SLC7A1: variants seen among roughly 807,000 people sequenced by gnomAD.
SLC7A1 encodes solute carrier family 7 member 1.
SLC7A1 carries 10 observed loss-of-function variants against 53.9 expected under a neutral mutation model. The observed-to-expected ratio is 0.19, with a 90% CI of 0.11 to 0.31. The LOEUF (loss-of-function observed/expected upper bound fraction) is 0.31, where lower values mean the gene tolerates loss of function less well. Ranked by LOEUF, SLC7A1 falls within the 10% of genes least tolerant of loss-of-function variation. The pLI is 1.00. For synonymous variants in SLC7A1, 342 were observed against 338.7 expected, an observed-to-expected ratio of 1.01 and a Z score of -0.11; for missense variants, 525 against 827.2, an observed-to-expected ratio of 0.63 and a Z score of 4.48.
At position 29,522,396 on chromosome 13, in the gene SLC7A1, C is replaced by T; in HGVS notation, c.1110G>A (p.Leu370=). The stretch of plus-strand genomic sequence containing the variant: ...TGACGTTGGCTAAGAATTTAAATAG[C>T]AGTCCATCCTCAGCCATGGCATAGA... The part of the protein sequence containing the change: ...RVIYAMAEDG[L]LFKFLANVND... Residue 370 remains leucine, a synonymous_variant, in exon 8 of 13, where the codon CTG becomes CTA. Transcript: ENST00000380752. 1 of 1,614,074 alleles carries T rather than the reference C, an allele frequency of 6.2e-7. No individual in the cohort carries two copies. Among genetic ancestry groups the T allele is most frequent in the African/African-American group, 1.3e-5 (1 of 75,034 alleles).
At chr13:29,595,062 C>A (rs1433069023) in intron 1 of SLC7A1, among the ~76,000 whole-genome samples, 5 of 152,118 alleles carry the variant, frequency 3.3e-5, no homozygotes, top group Admixed American at 2.6e-4. Context: ...CTACGCACCC[C>A]GACCACCCCG....
chr13:29,518,960 T>G (rs1333503356), intron 9 of SLC7A1, among the ~76,000 whole-genome samples: 3 of 152,050 alleles, frequency 2.0e-5, no homozygotes, highest in Non-Finnish European at 4.4e-5. Context: ...ACAGTGTCTC[T>G]GAACATCAAC....
chr13:29,550,498 A>ATG lies in SLC7A1; in HGVS notation c.-15+3261_-15+3262dup, dbSNP rs374488437. 7.2e-3 allele frequency among the ~76,000 whole-genome samples: 1,103 copies of ATG among 152,372 alleles called. 10 individuals are homozygous for ATG. The highest frequency in any genetic ancestry group is 0.025 in the African/African-American group (1,034 of 41,596). On this transcript the variant is annotated intron_variant, in intron 2 of 12. Transcript: ENST00000380752. The stretch of plus-strand genomic sequence containing the variant: ...ACAAGCAGCCATGCTGGGGAAGCCC[A>ATG]TGTGACAACCAACTGCAGATGGCTT...
At chr13:29,555,378 A>AAAAAAAAAAAAAAAAC in intron 1 of SLC7A1, among the ~76,000 whole-genome samples, 1 of 142,806 alleles carries the variant, frequency 7.0e-6, no homozygotes, top group Non-Finnish European at 1.5e-5. Context: ...AAAAAAAAAA[A>AAAAAAAAAAAAAAAAC]AAAGAATTAC....
rs1056975168 is a variant in SLC7A1 at position 29,510,875 on chromosome 13, G to A, written c.*3605C>T. 2 of 152,274 alleles carry A rather than the reference G, an allele frequency of 1.3e-5. No individual in the cohort carries two copies. The highest frequency in any genetic ancestry group is 2.1e-4 in the South Asian group (1 of 4,828). The allele number at this position is 152,274 out of a possible 1,614,324, so 9.4% of individuals were successfully genotyped here. On this transcript the variant is annotated 3_prime_UTR_variant, in exon 13 of 13. Transcript: ENST00000380752. ...GGCTTGCTTTAGCATTGAGTCCTGC[G>A]TCGCGCAATGCCCAGGACCTTGCCT... is the stretch of plus-strand genomic sequence containing the variant.
At chr13:29,540,973 G>A (rs1869637866) in intron 2 of SLC7A1, among the ~76,000 whole-genome samples, 2 of 152,218 alleles carry the variant, frequency 1.3e-5, no homozygotes, top group Non-Finnish European at 2.9e-5. Context: ...TGGCATGTGG[G>A]CAGCTGCTCA....
At chr13:29,528,044 A>G (rs1236536417) in intron 5 of SLC7A1, among the ~76,000 whole-genome samples, 1 of 152,134 alleles carries the variant, frequency 6.6e-6, no homozygotes, top group Non-Finnish European at 1.5e-5. Flanking sequence ...GTGGGGAGGG[A>G]GGGGACCCTC....
chr13:29,581,678 T>C (rs1444143913), intron 1 of SLC7A1, among the ~76,000 whole-genome samples: 1 of 152,232 alleles, frequency 6.6e-6, no homozygotes, highest in African/African-American at 2.4e-5. Flanking sequence ...GTGCTAGCTC[T>C]GGCAGCGCCA....
chr13:29,528,147 C>T (rs766535734), intron 5 of SLC7A1, among the ~76,000 whole-genome samples: 1 of 152,230 alleles, frequency 6.6e-6, no homozygotes, highest in Non-Finnish European at 1.5e-5. Flanking sequence ...GGTGAAGCGA[C>T]AAGCTGGACT....
rs535160170 is a variant in SLC7A1 at position 29,517,278 on chromosome 13, C to T, written c.1543G>A (p.Val515Met). The T allele has an allele frequency of 6.4e-5, 104 of 1,613,176 alleles. No individual in the cohort carries two copies. In the South Asian group the frequency reaches 6.7e-4, roughly 10 times the overall value. The stretch of plus-strand genomic sequence containing the variant: ...TTGGTGAGAGCCTCCCTTCCAAGCA[C>T]GGTCACAATGCAGAAGGTGATGATG... ...VLIITFCIVTVLGREALTKGA... is the reference protein window; with the variant it reads ...VLIITFCIVTMLGREALTKGA... The change falls in exon 11 of 13, where the codon GTG becomes ATG. Residue 515 changes from valine to methionine, a missense_variant. Around this residue, in one of 4 missense-constraint regions of SLC7A1, gnomAD observed 122 missense variants for 140.9 expected, o/e 0.87. Coordinates refer to ENST00000380752, the MANE Select transcript of SLC7A1 (RefSeq NM_003045.5).
In SLC7A1 at chr13:29,523,424, G is replaced by A; in HGVS notation, c.891C>T (p.Cys297=). The A allele has an allele frequency of 6.2e-7, 1 of 1,613,994 alleles. No individual in the cohort carries two copies. Among genetic ancestry groups the A allele is most frequent in the South Asian group, 1.1e-5 (1 of 91,078 alleles). The part of the protein sequence containing the change: ...PVGIVASLLI[C]FIAYFGVSAA... ...CCGACACCCCAAAGTAGGCGATGAA[G>A]CAGATCAAGAGGGACGCCACGATCC... Residue 297 remains cysteine (C), a synonymous_variant, in exon 7 of 13, where the codon TGC becomes TGT. Coordinates refer to ENST00000380752, the MANE Select transcript of SLC7A1 (RefSeq NM_003045.5).
At chr13:29,581,368 T>C (rs1276289101) in intron 1 of SLC7A1, among the ~76,000 whole-genome samples, 3 of 151,848 alleles carry the variant, frequency 2.0e-5, no homozygotes, top group Non-Finnish European at 3.0e-5. Flanking sequence ...TTACTTTCAA[T>C]GTCCCTGTGC....
rs577611525 is a variant in SLC7A1, at chr13:29,574,866, G to A, written c.-115+20550C>T. Among the ~76,000 whole-genome samples, 52 of 152,044 alleles carry A rather than the reference G, an allele frequency of 3.4e-4. 1 individual carries two copies. The highest frequency in any genetic ancestry group is 3.4e-3 in the Middle Eastern group (1 of 294). On this transcript the variant is annotated intron_variant, in intron 1 of 12. Coordinates refer to ENST00000380752, the MANE Select transcript of SLC7A1 (RefSeq NM_003045.5). ...TCACCATGTTGGCCAGGATGGTCTC[G>A]ATCTCCTGACCTCGTGATCCACCTG...
intron 5 of SLC7A1, among the ~76,000 whole-genome samples, chr13:29,530,118 T>A (rs2236499): frequency 0.089 from 13,524 of 152,200 alleles, 1,685 homozygotes; most frequent in East Asian, 0.61. Context: ...ACATTATTAA[T>A]CTAATAGGAA....
At chr13:29,549,877 G>C (rs1306279771) in intron 2 of SLC7A1, among the ~76,000 whole-genome samples, 5 of 152,136 alleles carry the variant, frequency 3.3e-5, no homozygotes, top group Non-Finnish European at 4.4e-5. Flanking sequence ...ATGTTGGCCA[G>C]GCTGGTCTTG....
rs983902407 is a variant in SLC7A1 at position 29,553,289 on chromosome 13, G to C, written c.-15+472C>G. Among the ~76,000 whole-genome samples, 6 of 152,382 alleles carry C rather than the reference G, an allele frequency of 3.9e-5. No individual in the cohort carries two copies. In the South Asian group the frequency reaches 1.2e-3, roughly 32 times the overall value. ...GTGCAAAGACTCCAAGAGTCACAGA[G>C]AGAAACATGGCAGGACGCATCACAG... On this transcript the variant is annotated intron_variant, in intron 2 of 12. Coordinates refer to ENST00000380752, the MANE Select transcript of SLC7A1 (RefSeq NM_003045.5).
intron 1 of SLC7A1, among the ~76,000 whole-genome samples, chr13:29,579,947 C>T (rs1871572474): frequency 6.6e-6 from 1 of 152,196 alleles, no homozygotes; most frequent in South Asian, 2.1e-4. Flanking sequence ...ACCCATTGTT[C>T]CTACTAGATC....
chr13:29,563,777 A>T (rs2139155987), intron 1 of SLC7A1, among the ~76,000 whole-genome samples: 1 of 152,346 alleles, frequency 6.6e-6, no homozygotes, highest in African/African-American at 2.4e-5. Context: ...TTTATGGATG[A>T]GATGCTGATG....
At chr13:29,565,065 T>A (rs940050689) in intron 1 of SLC7A1, among the ~76,000 whole-genome samples, 4 of 152,238 alleles carry the variant, frequency 2.6e-5, no homozygotes, top group African/African-American at 9.6e-5. Context: ...AATTGTTTGA[T>A]GTGTGAATAA....
Sources: gnomAD v4.1 joint callset for allele counts (sites outside exome capture counted in the v4.1 genomes callset) on GRCh38, gnomAD v4.1.1 for gene constraint, gnomAD v4.1.1 regional missense constraint, MANE v1.5 for transcripts, NCBI Gene and HGNC (gene_info 2026-07-23, HGNC 2026-07-21) for gene names.